Variants in DOCK1 observed in about 807,000 individuals in gnomAD.
The protein encoded by DOCK1 is dedicator of cytokinesis 1, also known as dedicator of cytokinesis protein 1.
Under a neutral mutation model 262.7 loss-of-function variants are expected in DOCK1, and 138 were observed. The observed-to-expected ratio is 0.53, with a 90% confidence interval of 0.46 to 0.61. DOCK1 has a LOEUF of 0.61. Among genes scored for constraint, DOCK1 ranks in the 20% least tolerant of loss-of-function variants. DOCK1 has a pLI of 0.00. For missense variants in DOCK1, 1,908 were observed against 2,370.7 expected, an observed-to-expected ratio of 0.80 and a Z score of 4.05; for synonymous variants, 866 against 867.4, an observed-to-expected ratio of 1.00 and a Z score of 0.03.
At chr10:127,382,504 TC>T (rs2065877909) in intron 37 of DOCK1, among the ~76,000 whole-genome samples, 2 of 152,194 alleles carry the variant, frequency 1.3e-5, no homozygotes, top group African/African-American at 4.8e-5. Context: ...TCAGTTGTCC[TC>T]CTGAGGCTGG....
At chr10:127,059,956 G>T (rs1316027878) in intron 22 of DOCK1, among the ~76,000 whole-genome samples, 1 of 152,122 alleles carries the variant, frequency 6.6e-6, no homozygotes, top group African/African-American at 2.4e-5. Context: ...ACAAAGTGGG[G>T]CTGACCATCT....
intron 13 of DOCK1, among the ~76,000 whole-genome samples, chr10:127,019,549 C>G (rs1591683476): frequency 6.6e-6 from 1 of 151,760 alleles, no homozygotes; most frequent in Admixed American, 6.6e-5. Context: ...GGGTTCGAGA[C>G]CACCCTGGGG....
At chr10:127,231,628 G>A (rs1004767239) in intron 27 of DOCK1, among the ~76,000 whole-genome samples, 3 of 151,878 alleles carry the variant, frequency 2.0e-5, no homozygotes, top group African/African-American at 4.8e-5. Flanking sequence ...AGAGGCTTGG[G>A]GATCTTTAAA....
In DOCK1 at chr10:127,311,578, G is replaced by A. The variant is rs144096591; in HGVS notation, c.3045-27428G>A. ...AGCCTATAAGCATTCCAAAATCCCC[G>A]CAAAAGAATGAAATCTGAAACACTT... On this transcript the variant is annotated intron_variant, in intron 29 of 51. Transcript: ENST00000623213. 1.8e-3 allele frequency among the ~76,000 whole-genome samples: 276 copies of A among 152,258 alleles called. 1 individual carries two copies. Among genetic ancestry groups the A allele is most frequent in the African/African-American group, 6.4e-3 (264 of 41,542 alleles).
intron 29 of DOCK1, among the ~76,000 whole-genome samples, chr10:127,336,683 G>C (rs1023691349): frequency 7.6e-4 from 116 of 152,008 alleles, no homozygotes; most frequent in African/African-American, 2.7e-3. Flanking sequence ...GGGACTGCAG[G>C]TGCCCGCCAC....
rs148113641 is a variant in DOCK1, at chr10:127,011,654, C to T, written c.1059-578C>T. Among the ~76,000 whole-genome samples, 80 of 152,246 alleles carry T rather than the reference C, an allele frequency of 5.3e-4. 1 individual carries two copies. The highest frequency in any genetic ancestry group is 1.4e-3 in the Admixed American group (21 of 15,286). ...GGTCTGTGTTCATAACAGCGCCACA[C>T]GTGGGACTAGGCAGTGGTGTTCTCC... is the stretch of plus-strand genomic sequence containing the variant. On this transcript the variant is annotated intron_variant, in intron 11 of 51. Transcript: ENST00000623213.
intron 1 of DOCK1, among the ~76,000 whole-genome samples, chr10:126,942,505 G>T (rs1040961116): frequency 6.6e-6 from 1 of 152,066 alleles, no homozygotes; most frequent in Non-Finnish European, 1.5e-5. Context: ...AGAATAAATC[G>T]TGAAGACCTA....
Position 127,061,742 on chromosome 10 carries a change from T to C in DOCK1, c.2411T>C (p.Met804Thr). 1 of 1,594,778 alleles carries C rather than the reference T, an allele frequency of 6.3e-7. No homozygotes were observed. Reference sequence around the variant, plus strand: ...CTCTTCAGGTCCATCAATGACATGATGAGCAGCATGTCAGACCAGACCGTC... The same window carrying C: ...CTCTTCAGGTCCATCAATGACATGACGAGCAGCATGTCAGACCAGACCGTC... ...LQLFRSINDM[M>T]SSMSDQTVRV... The change falls in exon 23 of 52, where the codon ATG (methionine) becomes ACG (threonine). Residue 804 changes from methionine to threonine, a missense_variant. Physicochemically the swap from Met to Thr is moderately conservative, Grantham distance 81. Transcript: ENST00000623213.
chr10:127,101,163 G>GA (rs1419687754), intron 23 of DOCK1, among the ~76,000 whole-genome samples: 1 of 152,066 alleles, frequency 6.6e-6, no homozygotes, highest in Non-Finnish European at 1.5e-5. Flanking sequence ...TGGGTGGTTG[G>GA]AAGCTTAGCG....
chr10:127,398,433 C>T (rs1015339906), intron 38 of DOCK1, among the ~76,000 whole-genome samples: 33 of 152,302 alleles, frequency 2.2e-4, no homozygotes, highest in Admixed American at 1.4e-3. Flanking sequence ...TCACTCAGCA[C>T]GCATTGAGCA....
At chr10:126,962,495 C>T (rs990372363) in intron 1 of DOCK1, among the ~76,000 whole-genome samples, 23 of 152,060 alleles carry the variant, frequency 1.5e-4, no homozygotes, top group African/African-American at 4.8e-4. Flanking sequence ...TGGGATTTCA[C>T]CATGTTGGCC....
intron 27 of DOCK1, among the ~76,000 whole-genome samples, chr10:127,163,672 T>C (rs907713408): frequency 1.3e-5 from 2 of 152,142 alleles, no homozygotes; most frequent in African/African-American, 4.8e-5. Flanking sequence ...TATTAGCCCA[T>C]TTTAAATTTC....
At chr10:127,127,138 C>T (rs74158622) in intron 26 of DOCK1, among the ~76,000 whole-genome samples, 2,428 of 152,286 alleles carry the variant, frequency 0.016, 72 homozygotes, top group African/African-American at 0.055. Flanking sequence ...TAAGCAGATT[C>T]ATAGTTCACG....
intron 29 of DOCK1, among the ~76,000 whole-genome samples, chr10:127,265,443 C>T (rs111535669): frequency 7.2e-5 from 11 of 152,224 alleles, no homozygotes; most frequent in African/African-American, 2.6e-4. Flanking sequence ...ATGATGCTTG[C>T]AGTCTGCAAA....
intron 1 of DOCK1, among the ~76,000 whole-genome samples, chr10:126,964,953 A>G (rs1157127670): frequency 6.6e-6 from 1 of 152,234 alleles, no homozygotes; most frequent in African/African-American, 2.4e-5. Flanking sequence ...CATGAGGAAG[A>G]GTACTTTGGG....
At chr10:127,245,071 G>A (rs774003616) in intron 27 of DOCK1, among the ~76,000 whole-genome samples, 4 of 152,114 alleles carry the variant, frequency 2.6e-5, no homozygotes, top group Non-Finnish European at 5.9e-5. Context: ...ACCCTTATAA[G>A]CCCACAGATA....
chr10:127,189,158 G>C (rs1224553111), intron 27 of DOCK1, among the ~76,000 whole-genome samples: 1 of 152,198 alleles, frequency 6.6e-6, no homozygotes, highest in Non-Finnish European at 1.5e-5. Context: ...CCACCAGAAG[G>C]TTCCAACCTT....
intron 35 of DOCK1, among the ~76,000 whole-genome samples, chr10:127,375,015 C>T (rs968872632): frequency 4.6e-5 from 7 of 152,286 alleles, no homozygotes; most frequent in Non-Finnish European, 1.0e-4. Flanking sequence ...CCATGGAGAA[C>T]AGACGCCTGG....
chr10:127,040,518 C>G (rs35039157), intron 19 of DOCK1, among the ~76,000 whole-genome samples: 2 of 152,048 alleles, frequency 1.3e-5, no homozygotes, highest in East Asian at 1.9e-4. Context: ...CCGAAGGAGG[C>G]GGGCGAGGCT....
Sources: gnomAD v4.1 joint callset for allele counts (sites outside exome capture counted in the v4.1 genomes callset) on GRCh38, gnomAD v4.1.1 for gene constraint, MANE v1.5 for transcripts, NCBI Gene and HGNC (gene_info 2026-07-23, HGNC 2026-07-21) for gene names.